The following B3GALT1 variants were observed in gnomAD, a reference collection of about 807,000 sequenced individuals.
B3GALT1 encodes the protein UDP-Gal:betaGlcNAc beta 1,3-galactosyltransferase, polypeptide 1.
In B3GALT1, 10 loss-of-function variants were observed where a neutral mutation model predicts 23.2. That is an observed-to-expected ratio of 0.43 (90% CI 0.27 to 0.73). The LOEUF (loss-of-function observed/expected upper bound fraction) is 0.73. Among genes scored for constraint, B3GALT1 ranks in the 30% least tolerant of loss-of-function variants. The probability of loss-of-function intolerance (pLI) is 0.21; values close to 1 mark genes in which losing one functional copy is unlikely to be tolerated. For missense variants in B3GALT1, 299 were observed against 405.4 expected (o/e 0.74, Z 2.25); for synonymous variants, 156 against 141.5 (o/e 1.10, Z -0.73).
chr2:167,802,778 CAAG>C (rs1345541802), intron 3 of B3GALT1, among the ~76,000 whole-genome samples: 1 of 152,048 alleles, frequency 6.6e-6, no homozygotes, highest in South Asian at 2.1e-4. Context: ...GCATGTAATC[CAAG>C]AAGGACAGCT....
chr2:167,835,870 G>A (rs539773170), intron 4 of B3GALT1, among the ~76,000 whole-genome samples: 180 of 152,280 alleles, frequency 1.2e-3, no homozygotes, highest in South Asian at 2.3e-3. Flanking sequence ...CACGGTTCAC[G>A]AAAAACCACT....
chr2:167,792,879 C>CTT (rs1688467776), intron 3 of B3GALT1, among the ~76,000 whole-genome samples: 2 of 121,568 alleles, frequency 1.6e-5, no homozygotes, highest in African/African-American at 6.7e-5. Flanking sequence ...TTTTTTTTAA[C>CTT]TAAGGAGGTC....
At chr2:167,567,681 C>T (rs941847184) in intron 2 of B3GALT1, among the ~76,000 whole-genome samples, 2 of 152,070 alleles carry the variant, frequency 1.3e-5, no homozygotes, top group East Asian at 3.8e-4. Context: ...CCGTTATCAA[C>T]ATCCCCCACC....
intron 1 of B3GALT1, among the ~76,000 whole-genome samples, chr2:167,387,424 C>T (rs1022852803): frequency 2.6e-5 from 4 of 152,068 alleles, no homozygotes; most frequent in Non-Finnish European, 4.4e-5. Flanking sequence ...TATGTTATCT[C>T]ATCATATAAA....
At chr2:167,364,006 CA>C (rs1345769622) in intron 1 of B3GALT1, among the ~76,000 whole-genome samples, 1 of 150,810 alleles carries the variant, frequency 6.6e-6, no homozygotes, top group Non-Finnish European at 1.5e-5. Flanking sequence ...TAAAAACAGA[CA>C]AAAAAAATTA....
At chr2:167,805,028 G>A (rs1688722607) in intron 3 of B3GALT1, among the ~76,000 whole-genome samples, 1 of 152,164 alleles carries the variant, frequency 6.6e-6, no homozygotes, top group African/African-American at 2.4e-5. Flanking sequence ...TCTAACTGGT[G>A]TGAGATGGTA....
At chr2:167,303,644 TACACACACACACACAC>T (rs61323885) in intron 1 of B3GALT1, among the ~76,000 whole-genome samples, 4 of 145,004 alleles carry the variant, frequency 2.8e-5, no homozygotes, top group South Asian at 2.3e-4. Context: ...AACACACACA[TACACACACACACACAC>T]ACACACACAC....
intron 1 of B3GALT1, among the ~76,000 whole-genome samples, chr2:167,304,750 T>C (rs1403894): frequency 0.81 from 123,446 of 152,032 alleles, 51,165 homozygotes; most frequent in Non-Finnish European, 0.9. Flanking sequence ...AGAATTGGCT[T>C]ATGTGGTTAG....
chr2:167,529,137 C>T (rs1002607458), intron 2 of B3GALT1, among the ~76,000 whole-genome samples: 2 of 152,060 alleles, frequency 1.3e-5, no homozygotes, highest in African/African-American at 2.4e-5. Context: ...TTGATCACTC[C>T]GTCCTTATTT....
At chr2:167,320,188 T>TG (rs1448204869) in intron 1 of B3GALT1, among the ~76,000 whole-genome samples, 2 of 147,964 alleles carry the variant, frequency 1.4e-5, no homozygotes, top group African/African-American at 5.1e-5. Context: ...CTGAGCTATC[T>TG]CCTTTTTTTT....
At chr2:167,768,779 T>C (rs1688019319) in intron 3 of B3GALT1, among the ~76,000 whole-genome samples, 1 of 152,170 alleles carries the variant, frequency 6.6e-6, no homozygotes, top group Admixed American at 6.5e-5. Context: ...GCACTTAAGG[T>C]TGCCTAAAGT....
intron 3 of B3GALT1, among the ~76,000 whole-genome samples, chr2:167,666,859 G>A (rs1229265340): frequency 1.3e-5 from 2 of 152,124 alleles, no homozygotes; most frequent in Non-Finnish European, 2.9e-5. Context: ...CCTGTGAGAT[G>A]GGTTTACTGA....
At chr2:167,758,056 T>A (rs1398127560) in intron 3 of B3GALT1, among the ~76,000 whole-genome samples, 1 of 152,196 alleles carries the variant, frequency 6.6e-6, no homozygotes, top group African/African-American at 2.4e-5. Context: ...ATTACTGAAA[T>A]GTATGAATTC....
intron 1 of B3GALT1, among the ~76,000 whole-genome samples, chr2:167,417,863 TTGA>T (rs1435176596): frequency 6.6e-6 from 1 of 152,208 alleles, no homozygotes; most frequent in African/African-American, 2.4e-5. Context: ...ATAATCAGCA[TTGA>T]TGAGCAGATC....
At chr2:167,294,919 C>T (rs1054026175) in intron 1 of B3GALT1, among the ~76,000 whole-genome samples, 1 of 152,164 alleles carries the variant, frequency 6.6e-6, no homozygotes, top group Non-Finnish European at 1.5e-5. Flanking sequence ...TTTGATTGGG[C>T]TCATTTCTGA....
Position 167,300,052 on chromosome 2 carries a change from G to A in B3GALT1, c.-511+6718G>A, listed in dbSNP as rs112160412. Among the ~76,000 whole-genome samples the A allele has an allele frequency of 4.7e-3, 719 of 151,938 alleles. 5 individuals are homozygous for A. Among genetic ancestry groups the A allele is most frequent in the African/African-American group, 0.016 (668 of 41,432 alleles). ...CGAGTAGCTGGGATTACAGATTCCC[G>A]CCACCACGCCTGGCTATTTCTTTTG... is the stretch of plus-strand genomic sequence containing the variant. On this transcript the variant is annotated intron_variant, in intron 1 of 4. Coordinates refer to ENST00000392690, the MANE Select transcript of B3GALT1 (RefSeq NM_020981.4).
intron 1 of B3GALT1, among the ~76,000 whole-genome samples, chr2:167,455,927 CAT>C (rs1699163073): frequency 1.3e-5 from 2 of 152,122 alleles, no homozygotes; most frequent in Non-Finnish European, 2.9e-5. Flanking sequence ...CCAACCAACA[CAT>C]ATATAATCAC....
intron 1 of B3GALT1, among the ~76,000 whole-genome samples, chr2:167,376,082 A>G (rs1242915971): frequency 6.6e-6 from 1 of 152,158 alleles, no homozygotes; most frequent in South Asian, 2.1e-4. Context: ...TGGGATGATC[A>G]TATGTTTTTT....
chr2:167,425,361 C>A (rs1035325483), intron 1 of B3GALT1, among the ~76,000 whole-genome samples: 2 of 151,822 alleles, frequency 1.3e-5, no homozygotes, highest in African/African-American at 2.4e-5. Flanking sequence ...CAGTGGCAAG[C>A]GACATAAAAT....
Sources: allele counts gnomAD v4.1 joint callset (sites outside exome capture counted in the v4.1 genomes callset), GRCh38; gene constraint gnomAD v4.1.1; transcripts MANE v1.5; gene names NCBI Gene and HGNC (gene_info 2026-07-23, HGNC 2026-07-21).